The following CAMTA1 variants were observed in gnomAD, a reference collection of about 807,000 sequenced individuals.
CAMTA1 encodes the protein calmodulin binding transcription activator 1, also known as calmodulin-binding transcription activator 1.
In CAMTA1, 27 loss-of-function variants were observed where a neutral mutation model predicts 170.9. That is an observed-to-expected ratio of 0.16 (90% CI 0.12 to 0.22). The LOEUF is 0.22. Among genes scored for constraint, CAMTA1 ranks in the 10% least tolerant of loss-of-function variants. The pLI, the probability that CAMTA1 is intolerant of heterozygous loss-of-function variation, is 1.00. For synonymous variants in CAMTA1, 833 were observed against 891.5 expected, an observed-to-expected ratio of 0.93 and a Z score of 1.17; for missense variants, 1,619 against 2,217.2, an observed-to-expected ratio of 0.73 and a Z score of 5.42.
chr1:7,267,360 A>G (rs925650100), intron 5 of CAMTA1, among the ~76,000 whole-genome samples: 5 of 152,200 alleles, frequency 3.3e-5, no homozygotes, highest in Non-Finnish European at 7.3e-5. Context: ...TGGAATTGCC[A>G]TGGAGTGCCT....
At chr1:7,481,232 A>C (rs1038387178) in intron 6 of CAMTA1, among the ~76,000 whole-genome samples, 5 of 152,272 alleles carry the variant, frequency 3.3e-5, no homozygotes, top group Admixed American at 2.6e-4. Context: ...CATCACCCTT[A>C]TGCTTCAGGC....
Position 7,320,649 on chromosome 1 carries a change from GTTTTTTT to G in CAMTA1, c.438+71042_438+71048del, listed in dbSNP as rs55683398. Among the ~76,000 whole-genome samples, 20 of 80,316 alleles carry G rather than the reference GTTTTTTT, an allele frequency of 2.5e-4. No homozygotes were observed. In the South Asian group the frequency reaches 2.9e-3, roughly 12 times the overall value. 52.7% of individuals were successfully genotyped at this position (80,316 alleles called of 152,430 possible). On this transcript the variant is annotated intron_variant, in intron 5 of 22. Coordinates refer to ENST00000303635, the MANE Select transcript of CAMTA1 (RefSeq NM_015215.4). ...TATCCCCCTGGGCTGTGCTGTGTGT[GTTTTTTT>G]TTTTTTTTTTTTTTTTTTGCTATCT...
rs2096905369 is a variant in CAMTA1 at position 7,752,637 on chromosome 1, A to G, written c.4958+104A>G. ...CTATGTAAAGCTAATCCCCCTGCAG[A>G]TAATCAGGGCAGACGTCCCAAATTA... is the stretch of plus-strand genomic sequence containing the variant. On this transcript the variant is annotated intron_variant, in intron 21 of 22. Transcript: ENST00000303635. 5.7e-6 allele frequency: 5 copies of G among 879,822 alleles called. No homozygotes were observed. The African/African-American group carries it at 8.6e-5, about 15-fold the overall frequency. The allele number at this position is 879,822 out of a possible 1,614,324, so 54.5% of individuals were successfully genotyped here. A position where few individuals can be genotyped will look rare whatever the true frequency, so the allele number is the denominator to read the frequency against.
At position 7,585,782 on chromosome 1, in the gene CAMTA1, G is replaced by A. The variant is rs145225335; in HGVS notation, c.511-54618G>A. Among the ~76,000 whole-genome samples, 3 of 151,056 alleles carry A rather than the reference G, an allele frequency of 2.0e-5. No homozygotes were observed. Among genetic ancestry groups the A allele is most frequent in the Admixed American group, 1.3e-4 (2 of 15,262 alleles). ...TTGTGGACAGACAGGCCAGAGACAC[G>A]GCTCATCTGTCCCTCATCCACCTCC... On this transcript the variant is annotated intron_variant, in intron 6 of 22. Coordinates refer to ENST00000303635, the MANE Select transcript of CAMTA1 (RefSeq NM_015215.4). The surrounding 1 kb of genome is among the most constrained non-coding windows in gnomAD (Gnocchi z 4.8).
intron 5 of CAMTA1, among the ~76,000 whole-genome samples, chr1:7,339,260 A>C (rs999717236): frequency 3.9e-5 from 6 of 152,266 alleles, no homozygotes; most frequent in African/African-American, 1.4e-4. Context: ...TGTATGCTCC[A>C]AATGGAAGAA....
At chr1:7,504,425 A>G (rs770923177) in intron 6 of CAMTA1, among the ~76,000 whole-genome samples, 2 of 152,156 alleles carry the variant, frequency 1.3e-5, no homozygotes, top group Admixed American at 1.3e-4. Flanking sequence ...GTATCTGAGG[A>G]CCCTGCTAGA....
intron 6 of CAMTA1, among the ~76,000 whole-genome samples, chr1:7,492,674 C>CACAT (rs1388200511): frequency 8.6e-5 from 13 of 150,824 alleles, no homozygotes; most frequent in East Asian, 2.0e-4. Flanking sequence ...TACGAACACA[C>CACAT]ACACACAAAC....
chr1:7,543,931 C>T (rs769164871), intron 6 of CAMTA1, among the ~76,000 whole-genome samples: 5 of 151,928 alleles, frequency 3.3e-5, no homozygotes, highest in East Asian at 1.9e-4. Flanking sequence ...CAACCTGTGC[C>T]GTTGTGTTAA....
chr1:7,421,020 T>C (rs999814723), intron 5 of CAMTA1, among the ~76,000 whole-genome samples: 1 of 152,234 alleles, frequency 6.6e-6, no homozygotes, highest in Admixed American at 6.5e-5. Flanking sequence ...TCTCTTGACC[T>C]GAGAAAAGCA....
intron 6 of CAMTA1, among the ~76,000 whole-genome samples, chr1:7,619,067 A>G (rs2095579250): frequency 6.6e-6 from 1 of 152,214 alleles, no homozygotes; most frequent in African/African-American, 2.4e-5. Flanking sequence ...CCCCCTAGTC[A>G]ACAGGCTTCA....
chr1:6,996,854 G>T (rs1182355026), intron 3 of CAMTA1, among the ~76,000 whole-genome samples: 2 of 152,072 alleles, frequency 1.3e-5, no homozygotes, highest in East Asian at 3.8e-4. Context: ...AATGTTGGAA[G>T]GTTGGTCCAA....
chr1:6,900,780 G>A (rs1184608774), intron 3 of CAMTA1, among the ~76,000 whole-genome samples: 2 of 152,212 alleles, frequency 1.3e-5, no homozygotes, highest in Non-Finnish European at 2.9e-5. Flanking sequence ...GAGAAATTAA[G>A]AGAAGATCTA....
intron 4 of CAMTA1, among the ~76,000 whole-genome samples, chr1:7,242,588 G>A (rs1047607610): frequency 3.9e-5 from 6 of 152,020 alleles, no homozygotes; most frequent in African/African-American, 1.5e-4. Flanking sequence ...ACCCATTTTG[G>A]TATTTTCCAT....
chr1:7,525,338 C>T (rs1248281665), intron 6 of CAMTA1, among the ~76,000 whole-genome samples: 1 of 151,952 alleles, frequency 6.6e-6, no homozygotes, highest in Non-Finnish European at 1.5e-5. Flanking sequence ...AGAGGACAAG[C>T]CCCCTCACCC....
At chr1:7,274,221 T>G (rs934008503) in intron 5 of CAMTA1, among the ~76,000 whole-genome samples, 3 of 152,104 alleles carry the variant, frequency 2.0e-5, no homozygotes, top group African/African-American at 7.2e-5. Flanking sequence ...CAAGAAACAC[T>G]TTAATAATAA....
intron 4 of CAMTA1, among the ~76,000 whole-genome samples, chr1:7,233,089 G>T (rs1663146926): frequency 6.6e-6 from 1 of 152,044 alleles, no homozygotes; most frequent in African/African-American, 2.4e-5. Flanking sequence ...TGAGAAGCTT[G>T]CCTTGAATTG....
intron 3 of CAMTA1, among the ~76,000 whole-genome samples, chr1:7,037,228 A>G (rs748903140): frequency 2.0e-5 from 3 of 152,246 alleles, no homozygotes; most frequent in Non-Finnish European, 4.4e-5. Flanking sequence ...TTGAGATTGC[A>G]TGAATGCTTC....
intron 6 of CAMTA1, among the ~76,000 whole-genome samples, chr1:7,492,450 C>G (rs907124947): frequency 2.0e-5 from 3 of 152,140 alleles, no homozygotes; most frequent in Admixed American, 6.5e-5. Context: ...CACCAGCCCC[C>G]GGGCTGCTCA....
At chr1:7,344,018 C>G (rs1004193169) in intron 5 of CAMTA1, among the ~76,000 whole-genome samples, 1 of 152,218 alleles carries the variant, frequency 6.6e-6, no homozygotes, top group African/African-American at 2.4e-5. Flanking sequence ...TTGTGTCTGT[C>G]TCCTAGGAGA....
Sources: gnomAD v4.1 joint callset for allele counts (sites outside exome capture counted in the v4.1 genomes callset) on GRCh38, gnomAD v4.1.1 for gene constraint, Gnocchi (gnomAD v3.1) non-coding constraint, MANE v1.5 for transcripts, NCBI Gene and HGNC (gene_info 2026-07-23, HGNC 2026-07-21) for gene names.